CHD6: variants seen among roughly 807,000 people sequenced by gnomAD.
CHD6 encodes chromodomain helicase DNA binding protein 6, also known as ATP-dependent chromatin remodeler CHD6.
In CHD6, 50 loss-of-function variants were observed where a neutral mutation model predicts 276.9. The ratio of observed to expected loss-of-function variants is 0.18; its 90% confidence interval spans 0.14 to 0.23. The LOEUF (loss-of-function observed/expected upper bound fraction) is 0.23, where lower values mean the gene tolerates loss of function less well. Ranked by LOEUF, CHD6 falls within the 10% of genes least tolerant of loss-of-function variation. The pLI, the probability that CHD6 is intolerant of heterozygous loss-of-function variation, is 1.00. For missense variants in CHD6, 2,564 were observed against 3,365.8 expected (o/e 0.76, Z 5.89); for synonymous variants, 1,173 against 1,229.3 (o/e 0.95, Z 0.96).
intron 27 of CHD6, among the ~76,000 whole-genome samples, chr20:41,429,149 T>A (rs2047455109): frequency 6.6e-6 from 1 of 152,220 alleles, no homozygotes; most frequent in African/African-American, 2.4e-5. Flanking sequence ...CATGCATGCT[T>A]TTGACAGCAT....
chr20:41,519,351 T>C (rs1413681772), intron 3 of CHD6, among the ~76,000 whole-genome samples: 1 of 152,108 alleles, frequency 6.6e-6, no homozygotes, highest in African/African-American at 2.4e-5. Flanking sequence ...CATATGCAAA[T>C]AATCTTTGAC....
intron 5 of CHD6, among the ~76,000 whole-genome samples, chr20:41,511,137 G>A (rs939228739): frequency 4.6e-5 from 7 of 152,164 alleles, no homozygotes; most frequent in Non-Finnish European, 5.9e-5. Context: ...AAGAATAAGC[G>A]GAATTATATG....
chr20:41,472,153 A>C (rs1327808961), intron 17 of CHD6, among the ~76,000 whole-genome samples: 1 of 152,006 alleles, frequency 6.6e-6, no homozygotes, highest in Non-Finnish European at 1.5e-5. Context: ...AGGCAAGAGA[A>C]TCGCTTGAAC....
chr20:41,556,323 C>CCGTGGGGAGACGGGAGAGGGAGAGGGA (rs2045236693), intron 1 of CHD6, among the ~76,000 whole-genome samples: 2 of 89,356 alleles, frequency 2.2e-5, no homozygotes, highest in East Asian at 4.3e-4. Flanking sequence ...AGGGAGAGGG[C>CCGTGGGGAGACGGGAGAGGGAGAGGGA]ACCTTTTTTT....
At chr20:41,451,132 A>G (rs2048226110) in intron 22 of CHD6, 27 bp from the exon 23 acceptor site, 1 of 1,606,344 alleles carries the variant, frequency 6.2e-7, no homozygotes, top group Non-Finnish European at 8.5e-7. Flanking sequence ...GCATAGGGCA[A>G]GTGGATAGCC....
chr20:41,434,484 C>T (rs1415995232), intron 27 of CHD6, among the ~76,000 whole-genome samples: 1 of 152,144 alleles, frequency 6.6e-6, no homozygotes, highest in Non-Finnish European at 1.5e-5. Context: ...GGTTCTCATG[C>T]CTCAGCCTCC....
At chr20:41,565,669 C>A (rs2045347692) in intron 1 of CHD6, among the ~76,000 whole-genome samples, 1 of 93,662 alleles carries the variant, frequency 1.1e-5, no homozygotes, top group East Asian at 4.2e-4. Context: ...AATTAGATTT[C>A]CTGGATTCCA....
At chr20:41,542,876 G>A (rs1026998227) in intron 2 of CHD6, among the ~76,000 whole-genome samples, 6 of 151,730 alleles carry the variant, frequency 4.0e-5, no homozygotes, top group Admixed American at 1.3e-4. Flanking sequence ...AGGCTGAGGC[G>A]GGTGGATCAC....
chr20:41,549,527 A>T (rs2045111636), intron 2 of CHD6, among the ~76,000 whole-genome samples: 1 of 141,980 alleles, frequency 7.0e-6, no homozygotes, highest in African/African-American at 2.7e-5. Flanking sequence ...TAGCATTAGG[A>T]GATATACCTA....
chr20:41,425,103 A>G, intron 29 of CHD6, 75 bp downstream of exon 29: 1 of 1,177,838 alleles, frequency 8.5e-7, no homozygotes, highest in Non-Finnish European at 1.3e-6. Flanking sequence ...CTCGCCCTCC[A>G]AGCTACCGGC....
At chr20:41,496,484 G>C (rs2145887597) in intron 8 of CHD6, among the ~76,000 whole-genome samples, 1 of 152,274 alleles carries the variant, frequency 6.6e-6, no homozygotes, top group African/African-American at 2.4e-5. Flanking sequence ...TCCTCCACGT[G>C]TGCTTTAGCT....
intron 28 of CHD6, 60 bp downstream of exon 28, chr20:41,426,033 C>T: frequency 8.3e-7 from 1 of 1,211,866 alleles, no homozygotes; most frequent in Non-Finnish European, 1.2e-6. Context: ...ATATAAACTC[C>T]ACGATAACTA....
In CHD6 at chr20:41,589,715, A is replaced by G. The variant is rs554320229; in HGVS notation, c.-24+28625T>C. On this transcript the variant is annotated intron_variant, in intron 1 of 36. Coordinates refer to ENST00000373233, the MANE Select transcript of CHD6 (RefSeq NM_032221.5). ...TACAAATCACTGCTCAACGAAATAAAAGAGGACACAAACAAATGGAAGAAC... is the reference window on the plus strand; with the variant it reads ...TACAAATCACTGCTCAACGAAATAAGAGAGGACACAAACAAATGGAAGAAC... 3.3e-5 allele frequency among the ~76,000 whole-genome samples: 5 copies of G among 152,340 alleles called. No individual in the cohort carries two copies. The East Asian group carries it at 9.6e-4, about 29-fold the overall frequency.
intron 1 of CHD6, among the ~76,000 whole-genome samples, chr20:41,612,523 T>C (rs934038950): frequency 1.1e-4 from 16 of 152,236 alleles, no homozygotes; most frequent in Non-Finnish European, 2.4e-4. Flanking sequence ...GCTTAACTTT[T>C]TCATGCAAGC....
At position 41,515,012 on chromosome 20, in the gene CHD6, T is replaced by C. The variant is rs773516956; in HGVS notation, c.555-60A>G. The C allele has an allele frequency of 8.3e-6, 13 of 1,564,002 alleles. No homozygotes were observed. The African/African-American group carries it at 1.5e-4, about 18-fold the overall frequency. On this transcript the variant is annotated intron_variant, in intron 3 of 36. Transcript: ENST00000373233. The stretch of plus-strand genomic sequence containing the variant: ...CAGTTTTTAAAACTAAGATTTCTCA[T>C]GTGATCAACGTCATGAAATCACATC...
chr20:41,552,441 T>C (rs1456168553), intron 1 of CHD6, among the ~76,000 whole-genome samples: 2 of 152,228 alleles, frequency 1.3e-5, no homozygotes, highest in African/African-American at 4.8e-5. Context: ...TTTGAGGTGG[T>C]AGATATGTTA....
intron 15 of CHD6, among the ~76,000 whole-genome samples, 183 bp from the exon 16 acceptor site, chr20:41,483,702 GGA>G (rs1198843771): frequency 6.6e-6 from 1 of 152,158 alleles, no homozygotes. Flanking sequence ...AGTGGCAGCA[GGA>G]GAGAATGCGG....
At chr20:41,598,637 C>A (rs1019927966) in intron 1 of CHD6, among the ~76,000 whole-genome samples, 4 of 152,144 alleles carry the variant, frequency 2.6e-5, no homozygotes, top group East Asian at 1.9e-4. Flanking sequence ...AAAAGCCCTG[C>A]GGGTCAGCCC....
At chr20:41,490,261 C>A (rs2043516034) in intron 11 of CHD6, among the ~76,000 whole-genome samples, 1 of 152,176 alleles carries the variant, frequency 6.6e-6, no homozygotes, top group Non-Finnish European at 1.5e-5. Flanking sequence ...TGGGGTCACA[C>A]TCCGAGAAAC....
Sources: allele counts gnomAD v4.1 joint callset (sites outside exome capture counted in the v4.1 genomes callset), GRCh38; gene constraint gnomAD v4.1.1; transcripts MANE v1.5; gene names NCBI Gene and HGNC (gene_info 2026-07-23, HGNC 2026-07-21).